EMB: variants seen among roughly 807,000 people sequenced by gnomAD.
The protein encoded by EMB is embigin.
A neutral mutation model predicts 41.4 loss-of-function variants in EMB; 31 were observed. The ratio of observed to expected loss-of-function variants is 0.75; its 90% CI spans 0.56 to 1.01. The LOEUF (loss-of-function observed/expected upper bound fraction) is 1.01. EMB is among the 50% of genes least tolerant of loss of function. EMB has a pLI of 0.00. For synonymous variants in EMB, 137 were observed against 140.4 expected (o/e 0.98, Z 0.17); for missense variants, 379 against 388.3 (o/e 0.98, Z 0.20).
chr5:50,401,195 C>G (rs1412760177), intron 7 of EMB, among the ~76,000 whole-genome samples: 1 of 152,030 alleles, frequency 6.6e-6, no homozygotes, highest in African/African-American at 2.4e-5. Flanking sequence ...TTGCTTTTCT[C>G]TATCTGGTGT....
chr5:50,429,001 T>A (rs1187108728), intron 1 of EMB, among the ~76,000 whole-genome samples: 2 of 152,122 alleles, frequency 1.3e-5, no homozygotes, highest in African/African-American at 4.8e-5. Flanking sequence ...GTTCAAGCAA[T>A]TCTCCTGCCT....
intron 2 of EMB, among the ~76,000 whole-genome samples, chr5:50,420,076 T>C (rs6450098): frequency 0.39 from 59,954 of 151,940 alleles, 12,366 homozygotes; most frequent in African/African-American, 0.51. Context: ...TAATGCATGC[T>C]GGGCTTACTG....
intron 1 of EMB, among the ~76,000 whole-genome samples, chr5:50,440,710 T>C (rs1745890906): frequency 6.6e-6 from 1 of 152,066 alleles, no homozygotes; most frequent in African/African-American, 2.4e-5. Flanking sequence ...AGCTGGTCCC[T>C]GCAACCACCC....
At chr5:50,427,822 A>C (rs1745644955) in intron 2 of EMB, among the ~76,000 whole-genome samples, 1 of 152,182 alleles carries the variant, frequency 6.6e-6, no homozygotes, top group Admixed American at 6.5e-5. Context: ...CTTGACCTAG[A>C]GTGATGTAAT....
intron 2 of EMB, among the ~76,000 whole-genome samples, chr5:50,416,168 A>T (rs978024214): frequency 1.8e-4 from 28 of 152,348 alleles, no homozygotes; most frequent in Non-Finnish European, 2.2e-4. Context: ...CAACAAACTA[A>T]TGTGAGCTCA....
chr5:50,434,164 A>C (rs2111864507), intron 1 of EMB, among the ~76,000 whole-genome samples: 1 of 152,322 alleles, frequency 6.6e-6, no homozygotes, highest in Non-Finnish European at 1.5e-5. Context: ...TGGGGTGTAC[A>C]ATTCACCCAC....
At chr5:50,408,085 C>T (rs1255340641) in intron 4 of EMB, among the ~76,000 whole-genome samples, 7 of 151,952 alleles carry the variant, frequency 4.6e-5, no homozygotes, top group Non-Finnish European at 1.0e-4. Flanking sequence ...TTCTATTATG[C>T]TACCTTTCCA....
In EMB at chr5:50,397,653, A is replaced by T. The variant is rs1745091537; in HGVS notation, c.*1620T>A. On this transcript the variant is annotated 3_prime_UTR_variant, in exon 9 of 9. Coordinates refer to ENST00000303221, the MANE Select transcript of EMB (RefSeq NM_198449.3). ...GATTAATTAAGCTAACTGATTGGTT[A>T]TCTACCATTATATAGATATTACCCA... The T allele has an allele frequency of 6.6e-6, 1 of 152,152 alleles. No homozygotes were observed. The highest frequency in any genetic ancestry group is 2.4e-5 in the African/African-American group (1 of 41,452). 9.4% of individuals were successfully genotyped at this position (152,152 alleles called of 1,614,324 possible).
chr5:50,415,907 T>C (rs1265895613), intron 2 of EMB, among the ~76,000 whole-genome samples: 1 of 152,214 alleles, frequency 6.6e-6, no homozygotes, highest in East Asian at 1.9e-4. Context: ...AAATGAACAG[T>C]GCAATCAAAA....
intron 1 of EMB, among the ~76,000 whole-genome samples, chr5:50,438,083 T>C (rs1745834817): frequency 6.6e-6 from 1 of 152,160 alleles, no homozygotes. Flanking sequence ...TCAGTAGTTC[T>C]GAACTTTCAT....
chr5:50,434,497 G>T (rs62365901), intron 1 of EMB, among the ~76,000 whole-genome samples: 60,090 of 152,000 alleles, frequency 0.4, 12,406 homozygotes, highest in African/African-American at 0.51. Context: ...ACATGCTGGA[G>T]GGACGCTGAA....
At chr5:50,438,448 A>G (rs1403746528) in intron 1 of EMB, among the ~76,000 whole-genome samples, 3 of 152,212 alleles carry the variant, frequency 2.0e-5, no homozygotes, top group African/African-American at 4.8e-5. Flanking sequence ...ATACCCAGAA[A>G]GGAGAAAAAT....
intron 1 of EMB, among the ~76,000 whole-genome samples, chr5:50,437,466 T>C (rs540462444): frequency 6.6e-6 from 1 of 152,170 alleles, no homozygotes; most frequent in Non-Finnish European, 1.5e-5. Flanking sequence ...TTTAATACTT[T>C]GTACCCCATC....
Position 50,417,472 on chromosome 5 carries a change from A to T in EMB, c.197-6089T>A, listed in dbSNP as rs569657878. On this transcript the variant is annotated intron_variant, in intron 2 of 8. Transcript: ENST00000303221. ...AAGAATCATGATGGTTTATTAAGTG[A>T]TCCTATCAACAAGTTATTTACATGC... is the stretch of plus-strand genomic sequence containing the variant. Among the ~76,000 whole-genome samples the T allele has an allele frequency of 1.7e-4, 26 of 152,314 alleles. No individual in the cohort carries two copies. In the East Asian group the frequency reaches 4.4e-3, roughly 26 times the overall value.
At chr5:50,428,095 C>T in intron 2 of EMB, 49 bp downstream of exon 2, 2 of 1,392,060 alleles carry the variant, frequency 1.4e-6, no homozygotes, top group East Asian at 4.6e-5. Context: ...AGAAAAATTG[C>T]TTAAACCCTT....
chr5:50,425,885 T>C (rs925870924), intron 2 of EMB, among the ~76,000 whole-genome samples: 11 of 152,106 alleles, frequency 7.2e-5, no homozygotes, highest in African/African-American at 2.7e-4. Context: ...GGTTTTGCTA[T>C]GTTGGCCAGG....
intron 1 of EMB, chr5:50,428,451 T>G (rs1579740591): frequency 4.2e-6 from 5 of 1,178,150 alleles, no homozygotes; most frequent in Non-Finnish European, 5.2e-6. Flanking sequence ...AAATCCCTAC[T>G]GACTTACATC....
rs1412936010 is a variant in EMB, at chr5:50,398,679, A to C, written c.*594T>G. 1.3e-5 allele frequency: 2 copies of C among 152,050 alleles called. No individual in the cohort carries two copies. Among genetic ancestry groups the C allele is most frequent in the Admixed American group, 1.3e-4 (2 of 15,242 alleles). The allele number at this position is 152,050 out of a possible 1,614,324, so 9.4% of individuals were successfully genotyped here. ...CTTTAGAGCAAGCACAGTTTTATTT[A>C]TTTGCCTTAAACCAATATTTCCGGA... On this transcript the variant is annotated 3_prime_UTR_variant, in exon 9 of 9. Coordinates refer to ENST00000303221, the MANE Select transcript of EMB (RefSeq NM_198449.3).
chr5:50,415,075 A>C (rs1458157475), intron 2 of EMB, among the ~76,000 whole-genome samples: 1 of 152,168 alleles, frequency 6.6e-6, no homozygotes, highest in Non-Finnish European at 1.5e-5. Flanking sequence ...CTTCAAACTC[A>C]AAATATCCAA....
Sources: gnomAD v4.1 joint callset for allele counts (sites outside exome capture counted in the v4.1 genomes callset) on GRCh38, gnomAD v4.1.1 for gene constraint, MANE v1.5 for transcripts, NCBI Gene and HGNC (gene_info 2026-07-23, HGNC 2026-07-21) for gene names.